The following PHEX variants were observed in gnomAD, a reference collection of about 807,000 sequenced individuals.
PHEX encodes phosphate regulating endopeptidase X-linked.
PHEX carries 16 observed loss-of-function variants against 68.0 expected under a neutral mutation model. That is an observed-to-expected ratio of 0.24 (90% CI 0.16 to 0.36). The LOEUF (loss-of-function observed/expected upper bound fraction) is 0.36, where lower values mean the gene tolerates loss of function less well. Ranked by LOEUF, PHEX falls within the 10% of genes least tolerant of loss-of-function variation. The pLI, the probability that PHEX is intolerant of heterozygous loss-of-function variation, is 1.00. For missense variants in PHEX, 480 were observed against 575.5 expected (o/e 0.83, Z 1.70); for synonymous variants, 208 against 205.1 (o/e 1.01, Z -0.12).
chrX:22,150,711 C>A (rs2147102397), intron 12 of PHEX, among the ~76,000 whole-genome samples: 1 of 112,076 alleles, frequency 8.9e-6, no homozygotes, highest in East Asian at 2.8e-4. Context: ...CTTGCTTCTT[C>A]CCTGTTTTGT....
rs1013373817 is a variant in PHEX, at chrX:22,038,682, T to C, written c.187+145T>C. ...AATTTTGAAGAAATTTTAAGTTTATTTTCAAGTTTTGGTGTGAAACAGTGG... is the reference window on the plus strand; with the variant it reads ...AATTTTGAAGAAATTTTAAGTTTATCTTCAAGTTTTGGTGTGAAACAGTGG... On this transcript the variant is annotated intron_variant, in intron 2 of 21. Coordinates refer to ENST00000379374, the MANE Select transcript of PHEX (RefSeq NM_000444.6). 7.8e-6 allele frequency: 4 copies of C among 511,638 alleles called. No individual in the cohort carries two copies. In the African/African-American group the frequency reaches 9.3e-5, roughly 12 times the overall value. 42.2% of individuals were successfully genotyped at this position (511,638 alleles called of 1,213,427 possible). A position where few individuals can be genotyped will look rare whatever the true frequency, so the allele number is the denominator to read the frequency against.
chrX:22,053,129 T>A (rs963944792), intron 3 of PHEX, among the ~76,000 whole-genome samples: 1 of 111,881 alleles, frequency 8.9e-6, no homozygotes, highest in Non-Finnish European at 1.9e-5. Context: ...GTTCTAAGAT[T>A]CATGAAGTAA....
intron 3 of PHEX, among the ~76,000 whole-genome samples, chrX:22,049,756 C>G (rs1360529821): frequency 3.6e-5 from 4 of 109,843 alleles, no homozygotes; most frequent in Non-Finnish European, 7.6e-5. Flanking sequence ...CCCAGCTACT[C>G]AGAAGGCTGA....
At chrX:22,065,960 C>T (rs889171590) in intron 3 of PHEX, among the ~76,000 whole-genome samples, 2 of 111,714 alleles carry the variant, frequency 1.8e-5, no homozygotes, top group Non-Finnish European at 3.8e-5. Context: ...GTTTTAACCC[C>T]GGCGGAAAGA....
chrX:22,124,639 T>A (rs1010454040), intron 11 of PHEX, among the ~76,000 whole-genome samples: 3 of 112,329 alleles, frequency 2.7e-5, no homozygotes, highest in Non-Finnish European at 5.6e-5. Context: ...TTATTCTGGT[T>A]TCTGATCCAT....
intron 2 of PHEX, among the ~76,000 whole-genome samples, chrX:22,039,746 AG>A (rs1487622671): frequency 8.9e-6 from 1 of 111,881 alleles, no homozygotes; most frequent in Non-Finnish European, 1.9e-5. Context: ...TCAAGGGTCC[AG>A]TCTGGACCTA....
intron 13 of PHEX, among the ~76,000 whole-genome samples, chrX:22,174,342 G>A (rs978727874): frequency 1.8e-5 from 2 of 111,711 alleles, no homozygotes; most frequent in Admixed American, 9.5e-5. Flanking sequence ...ATATTCATGC[G>A]AATTCATTCT....
At chrX:22,152,178 G>A (rs1932865218) in intron 12 of PHEX, among the ~76,000 whole-genome samples, 1 of 111,326 alleles carries the variant, frequency 9.0e-6, no homozygotes, top group South Asian at 3.8e-4. Context: ...CATTGCCTGT[G>A]TAGACTTGGG....
At chrX:22,138,589 G>T (rs560222178) in intron 12 of PHEX, among the ~76,000 whole-genome samples, 2 of 111,976 alleles carry the variant, frequency 1.8e-5, no homozygotes, top group Middle Eastern at 4.6e-3. Flanking sequence ...CAGCCTTGTG[G>T]CAAGTCTTCC....
intron 14 of PHEX, among the ~76,000 whole-genome samples, chrX:22,180,518 G>A (rs1422830384): frequency 9.0e-6 from 1 of 111,497 alleles, no homozygotes; most frequent in African/African-American, 3.3e-5. Flanking sequence ...GTAGGTGTAC[G>A]TATTTATGAG....
At chrX:22,131,533 C>G (rs746798584) in intron 11 of PHEX, among the ~76,000 whole-genome samples, 5 of 113,158 alleles carry the variant, frequency 4.4e-5, no homozygotes, top group African/African-American at 1.6e-4. Context: ...TCCCCCGACC[C>G]CCTTCCATCT....
chrX:22,066,483 C>CA (rs1293147421), intron 3 of PHEX, among the ~76,000 whole-genome samples: 1 of 112,388 alleles, frequency 8.9e-6, no homozygotes, highest in Non-Finnish European at 1.9e-5. Flanking sequence ...CACCCCCACT[C>CA]ATGGGGCAAA....
chrX:22,034,122 C>T (rs1370182733), intron 1 of PHEX, among the ~76,000 whole-genome samples: 1 of 111,852 alleles, frequency 8.9e-6, no homozygotes, highest in Non-Finnish European at 1.9e-5. Context: ...TTATTGCTTT[C>T]TGATAAAGCG....
At chrX:22,226,903 G>T (rs1173770962) in intron 19 of PHEX, among the ~76,000 whole-genome samples, 1 of 111,176 alleles carries the variant, frequency 9.0e-6, no homozygotes, top group Non-Finnish European at 1.9e-5. Context: ...TCTAAATTAT[G>T]ACCAGAGGGT....
chrX:22,144,539 C>G (rs931573085), intron 12 of PHEX, among the ~76,000 whole-genome samples: 8 of 110,834 alleles, frequency 7.2e-5, no homozygotes, highest in Non-Finnish European at 1.1e-4. Context: ...AAAGCTAATT[C>G]CATCTATGAA....
chrX:22,112,796 G>A (rs747604367), intron 10 of PHEX, among the ~76,000 whole-genome samples: 1 of 110,309 alleles, frequency 9.1e-6, no homozygotes, highest in African/African-American at 3.3e-5. Flanking sequence ...CCAGCTACTC[G>A]GGGGGCTGAG....
intron 3 of PHEX, among the ~76,000 whole-genome samples, chrX:22,068,359 C>T (rs1928709058): frequency 8.9e-6 from 1 of 111,755 alleles, no homozygotes; most frequent in African/African-American, 3.3e-5. Flanking sequence ...AAAGACATTG[C>T]ACCACTGCAA....
At chrX:22,114,294 A>C (rs1052297712) in intron 10 of PHEX, among the ~76,000 whole-genome samples, 164 bp from the exon 11 acceptor site, 1 of 110,864 alleles carries the variant, frequency 9.0e-6, no homozygotes, top group African/African-American at 3.3e-5. Context: ...GACAAGCAGA[A>C]TTTTTTTCTT....
intron 13 of PHEX, among the ~76,000 whole-genome samples, chrX:22,176,402 AATATATATATATAT>A (rs1174350162): frequency 6.9e-5 from 4 of 57,843 alleles, no homozygotes; most frequent in African/African-American, 3.5e-4. Context: ...AAAAAAAAAA[AATATATATATATAT>A]ATATATATAT....
Sources: gnomAD v4.1 joint callset for allele counts (sites outside exome capture counted in the v4.1 genomes callset) on GRCh38, gnomAD v4.1.1 for gene constraint, MANE v1.5 for transcripts, NCBI Gene and HGNC (gene_info 2026-07-23, HGNC 2026-07-21) for gene names.